Variants in NTM observed in about 807,000 individuals in gnomAD.
The protein encoded by NTM is neurotrimin.
Under a neutral mutation model 42.1 loss-of-function variants are expected in NTM, and 13 were observed. That is an observed-to-expected ratio of 0.31 (90% CI 0.20 to 0.49). NTM has a LOEUF of 0.49. NTM is among the 20% of genes least tolerant of loss of function. NTM has a pLI of 0.99. For synonymous variants in NTM, 187 were observed against 179.2 expected (o/e 1.04, Z -0.35); for missense variants, 373 against 452.8 (o/e 0.82, Z 1.60).
rs558451300 is a variant in NTM, at chr11:132,317,916, GAAAGA to G, written c.934+3218_934+3222del. On this transcript the variant is annotated intron_variant, in intron 7 of 8. Coordinates refer to ENST00000683400, the MANE Select transcript of NTM (RefSeq NM_001352005.2). ...AGGAGGGCTGGGAAGGGGAAAGAAA[GAAAGA>G]AAAGTATCGTTAAATTCTCAATGCC... Among the ~76,000 whole-genome samples, 9 of 150,678 alleles carry G rather than the reference GAAAGA, an allele frequency of 6.0e-5. No homozygotes were observed. In the South Asian group the frequency reaches 1.7e-3, roughly 28 times the overall value.
intron 2 of NTM, among the ~76,000 whole-genome samples, chr11:131,977,935 A>G (rs2064660251): frequency 6.6e-6 from 1 of 152,236 alleles, no homozygotes; most frequent in African/African-American, 2.4e-5. Flanking sequence ...AGAAAAAGAA[A>G]GTTGCCCAGA....
At chr11:132,022,642 C>G (rs904563176) in intron 2 of NTM, among the ~76,000 whole-genome samples, 2 of 152,192 alleles carry the variant, frequency 1.3e-5, no homozygotes, top group African/African-American at 4.8e-5. Flanking sequence ...TGTCAAAAGA[C>G]AGTCCCTAAT....
At chr11:131,646,393 A>T (rs1359720476) in intron 1 of NTM, among the ~76,000 whole-genome samples, 1 of 152,204 alleles carries the variant, frequency 6.6e-6, no homozygotes, top group Non-Finnish European at 1.5e-5. Context: ...AAAGAAAAAA[A>T]ATTCTACAAG....
chr11:131,681,770 C>G (rs1224570224), intron 1 of NTM, among the ~76,000 whole-genome samples: 2 of 95,760 alleles, frequency 2.1e-5, no homozygotes, highest in Non-Finnish European at 2.0e-5. Context: ...TGTGTGTGAG[C>G]GTGTGTGTTT....
At chr11:132,087,290 C>A (rs1404296018) in intron 2 of NTM, among the ~76,000 whole-genome samples, 2 of 152,102 alleles carry the variant, frequency 1.3e-5, no homozygotes, top group Non-Finnish European at 2.9e-5. Flanking sequence ...TGTCAGTAGC[C>A]TTTGAGTTTC....
At chr11:132,134,576 A>G (rs562208022) in intron 2 of NTM, among the ~76,000 whole-genome samples, 2 of 150,880 alleles carry the variant, frequency 1.3e-5, no homozygotes, top group African/African-American at 2.4e-5. Context: ...ATAGGAATAT[A>G]TATGACTCAT....
At chr11:131,392,721 C>T (rs937047311) in intron 1 of NTM, among the ~76,000 whole-genome samples, 2 of 152,288 alleles carry the variant, frequency 1.3e-5, no homozygotes, top group East Asian at 3.9e-4. Flanking sequence ...GAAGAAGCTC[C>T]ACCCAGTGGC....
At chr11:131,789,532 AG>A (rs1565551683) in intron 1 of NTM, among the ~76,000 whole-genome samples, 11 of 29,004 alleles carry the variant, frequency 3.8e-4, no homozygotes, top group Non-Finnish European at 4.7e-4. Flanking sequence ...AAGAAGAAGA[AG>A]AAGAAGAAGA....
At chr11:132,045,529 C>A (rs769702591) in intron 2 of NTM, among the ~76,000 whole-genome samples, 3 of 152,050 alleles carry the variant, frequency 2.0e-5, no homozygotes, top group Non-Finnish European at 4.4e-5. Flanking sequence ...GTCTTCCATG[C>A]AAGTATTTAT....
intron 3 of NTM, among the ~76,000 whole-genome samples, chr11:132,164,687 C>T (rs1243195674): frequency 6.6e-6 from 1 of 152,170 alleles, no homozygotes; most frequent in East Asian, 1.9e-4. Flanking sequence ...AATGGGGACA[C>T]TTGCTGTTCT....
intron 1 of NTM, among the ~76,000 whole-genome samples, chr11:131,472,788 G>A (rs1252065582): frequency 2.6e-5 from 4 of 152,026 alleles, no homozygotes; most frequent in Non-Finnish European, 2.9e-5. Flanking sequence ...AGAAACTGAG[G>A]CTGAAAGACA....
At chr11:131,483,704 C>G (rs1361099612) in intron 1 of NTM, among the ~76,000 whole-genome samples, 1 of 152,210 alleles carries the variant, frequency 6.6e-6, no homozygotes, top group Non-Finnish European at 1.5e-5. Context: ...GAGCCGCTGT[C>G]CCTCCGCTGC....
At chr11:131,870,929 G>A (rs528106026) in intron 1 of NTM, among the ~76,000 whole-genome samples, 6 of 152,304 alleles carry the variant, frequency 3.9e-5, no homozygotes, top group Non-Finnish European at 5.9e-5. Flanking sequence ...TATAGTAGGT[G>A]TAGCAGAAAG....
At chr11:131,707,197 T>G (rs371638473) in intron 1 of NTM, among the ~76,000 whole-genome samples, 3 of 151,998 alleles carry the variant, frequency 2.0e-5, no homozygotes, top group African/African-American at 7.2e-5. Context: ...ACTATTCTAC[T>G]CTTTACAAGT....
At chr11:131,793,877 A>G (rs928108858) in intron 1 of NTM, among the ~76,000 whole-genome samples, 2 of 152,170 alleles carry the variant, frequency 1.3e-5, no homozygotes, top group African/African-American at 4.8e-5. Context: ...GCTTCAGGTC[A>G]TTTCTATACC....
intron 1 of NTM, among the ~76,000 whole-genome samples, chr11:131,374,571 T>G (rs12417404): frequency 0.27 from 41,823 of 152,128 alleles, 6,922 homozygotes; most frequent in Non-Finnish European, 0.37. Context: ...TCAGGCGTCC[T>G]GCGTAGTGTC....
chr11:131,718,797 C>T (rs1225498074), intron 1 of NTM, among the ~76,000 whole-genome samples: 1 of 152,100 alleles, frequency 6.6e-6, no homozygotes. Context: ...CTAGCCTCCA[C>T]CTGATTACCT....
rs375206366 is a variant in NTM, at chr11:132,304,826, C to T, written c.527-2863C>T. ...TGTAATAACTGGTGAGCAATGAAGT[C>T]ATTGTGATTTCTCTGGGATTGCACA... On this transcript the variant is annotated intron_variant, in intron 4 of 8. Coordinates refer to ENST00000683400, the MANE Select transcript of NTM (RefSeq NM_001352005.2). 5.9e-5 allele frequency among the ~76,000 whole-genome samples: 9 copies of T among 152,246 alleles called. No individual in the cohort carries two copies. In the East Asian group the frequency reaches 9.7e-4, roughly 16 times the overall value.
intron 2 of NTM, among the ~76,000 whole-genome samples, chr11:132,029,012 T>A: frequency 6.6e-6 from 1 of 152,218 alleles, no homozygotes; most frequent in Non-Finnish European, 1.5e-5. Flanking sequence ...TTTTAGTTTT[T>A]CTATCCTGAT....
Sources: allele counts gnomAD v4.1 joint callset (sites outside exome capture counted in the v4.1 genomes callset), GRCh38; gene constraint gnomAD v4.1.1; transcripts MANE v1.5; gene names NCBI Gene and HGNC (gene_info 2026-07-23, HGNC 2026-07-21).